Variants in ZNF761 observed in about 807,000 individuals in gnomAD.
ZNF761 encodes the protein zinc finger protein 761.
ZNF761 carries 43 observed loss-of-function variants against 59.9 expected under a neutral mutation model. The observed-to-expected ratio is 0.72, with a 90% CI of 0.56 to 0.92. The LOEUF is 0.92. ZNF761 is among the 40% of genes least tolerant of loss of function. The pLI, the probability that ZNF761 is intolerant of heterozygous loss-of-function variation, is 0.00. For missense variants in ZNF761, 850 were observed against 906.1 expected (o/e 0.94, Z 0.79); for synonymous variants, 294 against 304.8 (o/e 0.96, Z 0.37).
At chr19:53,440,130 A>G (rs1403772734) in intron 1 of ZNF761, among the ~76,000 whole-genome samples, 3 of 146,848 alleles carry the variant, frequency 2.0e-5, no homozygotes, top group Non-Finnish European at 4.6e-5. Context: ...CAGCCTGGGC[A>G]ACATAGTGAG....
At chr19:53,436,270 CAG>C (rs1475780372) in intron 1 of ZNF761, among the ~76,000 whole-genome samples, 1 of 152,194 alleles carries the variant, frequency 6.6e-6, no homozygotes, top group Non-Finnish European at 1.5e-5. Flanking sequence ...TTAACCTAAA[CAG>C]AGTCTCCATG....
chr19:53,437,452 T>C (rs1228626042), intron 1 of ZNF761, among the ~76,000 whole-genome samples: 13 of 152,204 alleles, frequency 8.5e-5, no homozygotes, highest in Non-Finnish European at 1.6e-4. Context: ...TAGAAGAACT[T>C]CTTTTACTTT....
At position 53,447,276 on chromosome 19, in the gene ZNF761, T is replaced by C; in HGVS notation, c.8T>C (p.Phe3Ser). The C allele has an allele frequency of 6.2e-7, 1 of 1,613,346 alleles. No individual in the cohort carries two copies. Among genetic ancestry groups the C allele is most frequent in the Non-Finnish European group, 8.5e-7 (1 of 1,179,658 alleles). ...AGAGCAAAGGAGTCAGGGATGGCTT[T>C]TTCTCAGGTGAGATGATATTTTCAG... The part of the protein sequence containing the change: MA[F>S]SQGLLTFRDV... The change falls in exon 3 of 5, where the codon TTT becomes TCT. Residue 3 changes from phenylalanine to serine, a missense_variant. Transcript: ENST00000684525.
Position 53,455,019 on chromosome 19 carries a change from CT to C in ZNF761, c.514del (p.Ser172ProfsTer39), listed in dbSNP as rs749433548. 24 of 1,614,164 alleles carry C rather than the reference CT, an allele frequency of 1.5e-5. No homozygotes were observed. In the South Asian group the frequency reaches 2.1e-4, roughly 14 times the overall value. On this transcript the variant is annotated frameshift_variant, in exon 5 of 5. Coordinates refer to ENST00000684525, the MANE Select transcript of ZNF761 (RefSeq NM_001289951.2). LOFTEE classifies it high-confidence loss of function. The part of the protein sequence containing the change: ...DNQVVKSVHD[A>X]SLVSTAQRIS... ...CAAGTTGTGAAGTCTGTCCACGATG[CT>C]TCCTTGGTTTCAACAGCCCAAAGAA...
chr19:53,435,169 C>T (rs962920763), intron 1 of ZNF761, among the ~76,000 whole-genome samples: 1 of 151,772 alleles, frequency 6.6e-6, no homozygotes, highest in African/African-American at 2.4e-5. Flanking sequence ...TTCTTTTGAC[C>T]TTGCACGAAT....
At position 53,449,430 on chromosome 19, in the gene ZNF761, C is replaced by A. The variant is rs2086195350; in HGVS notation, c.16-82C>A. On this transcript the variant is annotated intron_variant, in intron 3 of 4. Transcript: ENST00000684525. ...AACATTCACTGCATTTAAATCCATG[C>A]CTTCACCTCTCTTCTTCTCATTTTC... The A allele has an allele frequency of 6.9e-6, 11 of 1,597,498 alleles. No individual in the cohort carries two copies. The African/African-American group carries it at 1.7e-4, about 24-fold the overall frequency.
Position 53,449,278 on chromosome 19 carries a change from G to A in ZNF761, c.16-234G>A, listed in dbSNP as rs553776879. On this transcript the variant is annotated intron_variant, in intron 3 of 4. Transcript: ENST00000684525. ...CTAGGAGGTGGAGGTTGCAGTGAGC[G>A]CAGACAGCACCAGTGCACTCCAGCC... Among the ~76,000 whole-genome samples the A allele has an allele frequency of 6.6e-5, 10 of 151,870 alleles. 1 individual carries two copies. Among genetic ancestry groups the A allele is most frequent in the South Asian group, 2.1e-4 (1 of 4,800 alleles).
At chr19:53,450,333 A>G (rs2086210237) in intron 4 of ZNF761, 1 of 152,772 alleles carries the variant, frequency 6.5e-6, no homozygotes, top group Admixed American at 6.5e-5. Context: ...AAATATTTGC[A>G]TATGTGTGTC....
intron 1 of ZNF761, among the ~76,000 whole-genome samples, chr19:53,445,944 CCTCAT>C (rs759572974): frequency 4.7e-4 from 72 of 152,292 alleles, no homozygotes; most frequent in Non-Finnish European, 9.1e-4. Context: ...GGGAGCTTGC[CCTCAT>C]CTCATGACTC....
intron 2 of ZNF761, among the ~76,000 whole-genome samples, chr19:53,446,888 C>T (rs898103315): frequency 4.6e-5 from 7 of 152,168 alleles, no homozygotes; most frequent in Admixed American, 2.0e-4. Context: ...TCCCAGAGTG[C>T]TGGGATGACA....
chr19:53,445,714 A>G (rs547235756), intron 1 of ZNF761, among the ~76,000 whole-genome samples: 1 of 152,308 alleles, frequency 6.6e-6, no homozygotes, highest in South Asian at 2.1e-4. Context: ...AAAAAACGTG[A>G]AAGAATGGAA....
chr19:53,451,279 C>T (rs1450670694), intron 4 of ZNF761, among the ~76,000 whole-genome samples: 1 of 152,190 alleles, frequency 6.6e-6, no homozygotes, highest in Non-Finnish European at 1.5e-5. Flanking sequence ...GGCACAATCT[C>T]GGGTCACTCC....
At chr19:53,453,623 CCCAGG>C (rs2086239618) in intron 4 of ZNF761, among the ~76,000 whole-genome samples, 1 of 152,142 alleles carries the variant, frequency 6.6e-6, no homozygotes, top group Admixed American at 6.5e-5. Flanking sequence ...CACCTGCCAT[CCCAGG>C]ACTTTGAGAG....
intron 4 of ZNF761, among the ~76,000 whole-genome samples, chr19:53,450,609 T>A (rs993953735): frequency 2.6e-5 from 4 of 152,200 alleles, no homozygotes; most frequent in African/African-American, 9.7e-5. Context: ...TTTACTTCTT[T>A]TGTTTGTTTG....
In ZNF761 at chr19:53,457,966, A is replaced by G. The variant is rs964645548; in HGVS notation, c.*1218A>G. 1.3e-5 allele frequency: 2 copies of G among 152,472 alleles called. No individual in the cohort carries two copies. Among genetic ancestry groups the G allele is most frequent in the African/African-American group, 4.8e-5 (2 of 41,458 alleles). The allele number at this position is 152,472 out of a possible 1,614,324, so 9.4% of individuals were successfully genotyped here. A position where few individuals can be genotyped will look rare whatever the true frequency, so the allele number is the denominator to read the frequency against. ...ATATGGGTTGTAGCTCAATGTTTTT[A>G]ATCATTTTGATCAATGTTTGTAGAT... is the stretch of plus-strand genomic sequence containing the variant. On this transcript the variant is annotated 3_prime_UTR_variant, in exon 5 of 5. Transcript: ENST00000684525.
intron 1 of ZNF761, chr19:53,441,752 T>C (rs1432785068): frequency 3.8e-6 from 3 of 791,976 alleles, no homozygotes; most frequent in South Asian, 3.0e-5. Flanking sequence ...CCGGCTGAGA[T>C]AAATCTTAGT....
At position 53,456,655 on chromosome 19, in the gene ZNF761, AC is replaced by A; in HGVS notation, c.2150del (p.Pro717LeufsTer56). The A allele has an allele frequency of 6.2e-7, 1 of 1,610,862 alleles. No homozygotes were observed. The highest frequency in any genetic ancestry group is 8.5e-7 in the Non-Finnish European group (1 of 1,178,820). ...ACCATAGACTTCATACTGGAGAGAAACCTTACAAGTGTAATGAGTGTGGCAA... is the reference window on the plus strand; with the variant it reads ...ACCATAGACTTCATACTGGAGAGAAACTTACAAGTGTAATGAGTGTGGCAA... ...CHHRLHTGEKPYKCNECGKTF... is the reference protein window; with the variant it reads ...CHHRLHTGEKXYKCNECGKTF... On this transcript the variant is annotated frameshift_variant, in exon 5 of 5. Coordinates refer to ENST00000684525, the MANE Select transcript of ZNF761 (RefSeq NM_001289951.2). LOFTEE classifies it high-confidence loss of function.
At chr19:53,444,887 TTTATA>T (rs2147131346) in intron 1 of ZNF761, 1 of 67,336 alleles carries the variant, frequency 1.5e-5, no homozygotes, top group African/African-American at 3.2e-5. Flanking sequence ...TCCAAGACTC[TTTATA>T]TTATGTCAGA....
intron 1 of ZNF761, among the ~76,000 whole-genome samples, chr19:53,433,296 C>T (rs2085996649): frequency 1.3e-5 from 2 of 152,058 alleles, no homozygotes; most frequent in South Asian, 2.1e-4. Flanking sequence ...TAATCTATAG[C>T]ATAGCATAAC....
Sources: gnomAD v4.1 joint callset for allele counts (sites outside exome capture counted in the v4.1 genomes callset) on GRCh38, gnomAD v4.1.1 for gene constraint, MANE v1.5 for transcripts, NCBI Gene and HGNC (gene_info 2026-07-23, HGNC 2026-07-21) for gene names.